Variants in HTR1E observed in about 807,000 individuals in gnomAD.
HTR1E encodes the protein 5-HT-1E.
HTR1E carries 3 observed loss-of-function variants against 3.4 expected under a neutral mutation model. That is an observed-to-expected ratio of 0.89 (90% confidence interval 0.41 to 2.31). HTR1E has a LOEUF of 2.31. Ranked by LOEUF, HTR1E falls within the 30% of genes most tolerant of loss-of-function variation. HTR1E has a pLI of 0.05. For missense variants in HTR1E, 392 were observed against 467.0 expected (o/e 0.84, Z 1.48); for synonymous variants, 170 against 182.8 (o/e 0.93, Z 0.56).
chr6:86,978,072 C>A lies in HTR1E; in HGVS notation c.-185-37078C>A, dbSNP rs182891195. ...TCCATGATTAGTTTAATTAGCAGAT[C>A]TTTTTTGCTGAAGTAAATCATTCTA... On this transcript the variant is annotated intron_variant, in intron 1 of 1. Coordinates refer to ENST00000305344, the MANE Select transcript of HTR1E (RefSeq NM_000865.3). Among the ~76,000 whole-genome samples the A allele has an allele frequency of 2.2e-3, 341 of 152,222 alleles. 1 individual carries two copies. The highest frequency in any genetic ancestry group is 4.1e-3 in the Admixed American group (63 of 15,288).
chr6:86,978,370 A>T (rs1767667472), intron 1 of HTR1E, among the ~76,000 whole-genome samples: 1 of 152,202 alleles, frequency 6.6e-6, no homozygotes, highest in Non-Finnish European at 1.5e-5. Flanking sequence ...GTCCAATCAT[A>T]GTTAGGGGAA....
intron 1 of HTR1E, among the ~76,000 whole-genome samples, chr6:86,957,958 AT>A (rs1197027626): frequency 1.3e-5 from 2 of 151,976 alleles, no homozygotes; most frequent in African/African-American, 4.8e-5. Context: ...TAATAGTAAA[AT>A]TTTTTAAACT....
chr6:86,943,962 G>A (rs1358069829), intron 1 of HTR1E, among the ~76,000 whole-genome samples: 1 of 152,176 alleles, frequency 6.6e-6, no homozygotes, highest in Admixed American at 6.5e-5. Context: ...AGCCGAGACT[G>A]CAGACATCTC....
intron 1 of HTR1E, among the ~76,000 whole-genome samples, chr6:86,992,750 G>A (rs1027178642): frequency 6.6e-6 from 1 of 152,242 alleles, no homozygotes; most frequent in Non-Finnish European, 1.5e-5. Flanking sequence ...AAATGTGTAA[G>A]GTAGGTATAA....
In HTR1E at chr6:87,016,585, T is replaced by C. The variant is rs1307089318; in HGVS notation, c.*153T>C. The C allele has an allele frequency of 3.1e-6, 2 of 639,002 alleles. No homozygotes were observed. The highest frequency in any genetic ancestry group is 5.1e-6 in the Non-Finnish European group (2 of 391,482). The allele number at this position is 639,002 out of a possible 1,614,324, so 39.6% of individuals were successfully genotyped here. A position where few individuals can be genotyped will look rare whatever the true frequency, so the allele number is the denominator to read the frequency against. On this transcript the variant is annotated 3_prime_UTR_variant, in exon 2 of 2. Coordinates refer to ENST00000305344, the MANE Select transcript of HTR1E (RefSeq NM_000865.3). Reference sequence around the variant, plus strand: ...CCTTGTTTGTTTGTTTGTTTTGTTCTGTTTTGTTTGAGGATTGTTATTTGG... The same window carrying C: ...CCTTGTTTGTTTGTTTGTTTTGTTCCGTTTTGTTTGAGGATTGTTATTTGG...
At chr6:87,009,602 C>T (rs1473512393) in intron 1 of HTR1E, among the ~76,000 whole-genome samples, 310 of 147,922 alleles carry the variant, frequency 2.1e-3, no homozygotes, top group African/African-American at 6.6e-3. Context: ...GGGTGGTGGC[C>T]GGGCAGAGGG....
chr6:86,957,660 GT>G (rs1304537738), intron 1 of HTR1E, among the ~76,000 whole-genome samples: 1 of 152,090 alleles, frequency 6.6e-6, no homozygotes, highest in Non-Finnish European at 1.5e-5. Flanking sequence ...GTATCTGAAT[GT>G]TTAATATTTT....
intron 1 of HTR1E, among the ~76,000 whole-genome samples, chr6:86,949,233 T>A (rs1763778417): frequency 6.6e-6 from 1 of 152,168 alleles, no homozygotes; most frequent in Non-Finnish European, 1.5e-5. Flanking sequence ...TCCCTACCTA[T>A]AAAATGAAAA....
At chr6:86,939,363 C>A (rs1192795682) in intron 1 of HTR1E, among the ~76,000 whole-genome samples, 2 of 152,172 alleles carry the variant, frequency 1.3e-5, no homozygotes, top group Admixed American at 6.5e-5. Context: ...TATTTTGCTG[C>A]ATAGAGGTAT....
chr6:87,010,817 CCCCGCGGGG>C (rs1291988109), intron 1 of HTR1E, among the ~76,000 whole-genome samples: 1 of 151,852 alleles, frequency 6.6e-6, no homozygotes, highest in African/African-American at 2.4e-5. Flanking sequence ...TGCCCTCGGG[CCCCGCGGGG>C]CCCGTCCGCT....
intron 1 of HTR1E, among the ~76,000 whole-genome samples, chr6:86,944,170 T>C (rs558220218): frequency 2.6e-4 from 39 of 152,246 alleles, no homozygotes; most frequent in African/African-American, 8.2e-4. Flanking sequence ...GATTGAAAGA[T>C]AGCAAAATAG....
At chr6:86,951,714 G>A (rs371229550) in intron 1 of HTR1E, among the ~76,000 whole-genome samples, 75 of 152,138 alleles carry the variant, frequency 4.9e-4, no homozygotes, top group African/African-American at 1.7e-3. Context: ...GGATATATTC[G>A]AAACTTAATT....
chr6:87,015,721 A>G lies in HTR1E; in HGVS notation c.387A>G (p.Glu129=). ...DRYWAITNAI[E]YARKRTAKRA... is the part of the protein sequence containing the mutation. ...ACTGGGCCATCACCAATGCTATTGA[A>G]TACGCCAGGAAGAGGACGGCCAAGA... The change falls in exon 2 of 2, where the codon GAA becomes GAG. Residue 129 remains glutamate (E), a synonymous_variant. Coordinates refer to ENST00000305344, the MANE Select transcript of HTR1E (RefSeq NM_000865.3). 1 of 1,612,504 alleles carries G rather than the reference A, an allele frequency of 6.2e-7. No individual in the cohort carries two copies. Among genetic ancestry groups the G allele is most frequent in the South Asian group, 1.1e-5 (1 of 90,880 alleles).
intron 1 of HTR1E, among the ~76,000 whole-genome samples, chr6:86,998,482 T>A (rs1039539262): frequency 5.3e-5 from 8 of 152,120 alleles, no homozygotes; most frequent in Admixed American, 3.9e-4. Context: ...AAATATTGTG[T>A]AAGTCAAATA....
chr6:86,987,608 ATAAT>A (rs922663594), intron 1 of HTR1E, among the ~76,000 whole-genome samples: 10 of 152,176 alleles, frequency 6.6e-5, no homozygotes, highest in Admixed American at 2.0e-4. Flanking sequence ...GATTTTTACT[ATAAT>A]TAAGTTTAAC....
chr6:87,010,234 G>A (rs1768191844), intron 1 of HTR1E, among the ~76,000 whole-genome samples: 1 of 112,338 alleles, frequency 8.9e-6, no homozygotes, highest in Admixed American at 8.5e-5. Context: ...CCGGGCTGAG[G>A]GGCTCCTCAC....
Position 87,015,827 on chromosome 6 carries a change from C to A in HTR1E, c.493C>A (p.Arg165Ser). The change falls in exon 2 of 2, where the codon CGC (arginine) becomes AGC (serine). Residue 165 changes from arginine (R) to serine (S), a missense_variant. Physicochemically the swap from Arg to Ser is moderately radical, Grantham distance 110. Transcript: ENST00000305344. ...CCCTCTGTTCTGGAGAAGCCACCGC[C>A]GCCTAAGCCCTCCCCCTAGTCAGTG... ...MPPLFWRSHR[R>S]LSPPPSQCTI... The A allele has an allele frequency of 6.2e-7, 1 of 1,613,756 alleles. No homozygotes were observed. Among genetic ancestry groups the A allele is most frequent in the Middle Eastern group, 1.6e-4 (1 of 6,062 alleles).
chr6:87,015,767 A>G lies in HTR1E; in HGVS notation c.433A>G (p.Thr145Ala), dbSNP rs774119755. Residue 145 changes from threonine to alanine, a missense_variant, in exon 2 of 2, where the codon ACC becomes GCC. Physicochemically the swap from Thr to Ala is moderately conservative, Grantham distance 58 (BLOSUM62 0). This residue lies in a region of HTR1E where 189 missense variants were observed against 258.0 expected (regional missense o/e 0.73). Coordinates refer to ENST00000305344, the MANE Select transcript of HTR1E (RefSeq NM_000865.3). ...CAAGAGGGCCGCGCTGATGATCCTT[A>G]CCGTCTGGACCATCTCCATTTTCAT... The part of the protein sequence containing the change: ...TAKRAALMIL[T>A]VWTISIFISM... The G allele has an allele frequency of 1.9e-6, 3 of 1,609,808 alleles. No individual in the cohort carries two copies. In the East Asian group the frequency reaches 6.7e-5, roughly 36 times the overall value.
intron 1 of HTR1E, among the ~76,000 whole-genome samples, chr6:87,011,101 A>G (rs926270871): frequency 2.6e-5 from 4 of 152,238 alleles, no homozygotes; most frequent in African/African-American, 9.6e-5. Context: ...TGCAATAGCT[A>G]CTATGTGACC....
Sources: gnomAD v4.1 joint callset for allele counts (sites outside exome capture counted in the v4.1 genomes callset) on GRCh38, gnomAD v4.1.1 for gene constraint, gnomAD v4.1.1 regional missense constraint, MANE v1.5 for transcripts, NCBI Gene and HGNC (gene_info 2026-07-23, HGNC 2026-07-21) for gene names.